CEP120: variants seen among roughly 807,000 people sequenced by gnomAD.
CEP120 encodes centrosomal protein of 120 kDa.
Under a neutral mutation model 126.5 loss-of-function variants are expected in CEP120, and 113 were observed. That is an observed-to-expected ratio of 0.89 (90% CI 0.77 to 1.04). The LOEUF is 1.04. Among genes scored for constraint, CEP120 ranks in the 50% least tolerant of loss-of-function variants. The pLI, the probability that CEP120 is intolerant of heterozygous loss-of-function variation, is 0.00. For missense variants in CEP120, 1,230 were observed against 1,155.7 expected (o/e 1.06, Z -0.93); for synonymous variants, 400 against 394.3 (o/e 1.01, Z -0.17).
chr5:123,357,838 G>A (rs1342765570), intron 18 of CEP120, among the ~76,000 whole-genome samples: 4 of 152,002 alleles, frequency 2.6e-5, no homozygotes, highest in Non-Finnish European at 5.9e-5. Context: ...CACTACTTGG[G>A]GCCAACCAAA....
At chr5:123,356,756 C>T (rs930008558) in intron 18 of CEP120, among the ~76,000 whole-genome samples, 1 of 152,008 alleles carries the variant, frequency 6.6e-6, no homozygotes, top group Non-Finnish European at 1.5e-5. Context: ...ACATTTCACT[C>T]TCTCTCTTTG....
intron 16 of CEP120, among the ~76,000 whole-genome samples, chr5:123,373,959 A>G (rs1222953024): frequency 6.6e-6 from 1 of 152,080 alleles, no homozygotes; most frequent in Non-Finnish European, 1.5e-5. Flanking sequence ...ACTCTGGTGC[A>G]TGACTCTACC....
chr5:123,411,662 G>T (rs998396637), intron 4 of CEP120, among the ~76,000 whole-genome samples: 3 of 152,160 alleles, frequency 2.0e-5, no homozygotes, highest in Non-Finnish European at 4.4e-5. Flanking sequence ...CAGTAAAAAA[G>T]ATCAATAGCT....
At chr5:123,417,386 T>C (rs771545567) in intron 2 of CEP120, among the ~76,000 whole-genome samples, 28 of 152,214 alleles carry the variant, frequency 1.8e-4, no homozygotes, top group Non-Finnish European at 3.5e-4. Flanking sequence ...AAAATATATT[T>C]TTAATCCTTA....
intron 14 of CEP120, among the ~76,000 whole-genome samples, 187 bp downstream of exon 14, chr5:123,381,924 C>T (rs1771675733): frequency 6.6e-6 from 1 of 151,928 alleles, no homozygotes; most frequent in Non-Finnish European, 1.5e-5. Flanking sequence ...TTTGCATATT[C>T]CAAAAGCACA....
chr5:123,394,801 C>A (rs1424756532), intron 5 of CEP120, among the ~76,000 whole-genome samples: 1 of 152,226 alleles, frequency 6.6e-6, no homozygotes, highest in Admixed American at 6.5e-5. Context: ...AGCACCTATG[C>A]ACTTATAATT....
At chr5:123,371,174 T>A (rs1443550146) in intron 17 of CEP120, among the ~76,000 whole-genome samples, 1 of 152,070 alleles carries the variant, frequency 6.6e-6, no homozygotes, top group Admixed American at 6.6e-5. Flanking sequence ...GAAACTTTTT[T>A]AATGTAACAT....
rs555007098 is a variant in CEP120 at position 123,406,858 on chromosome 5, A to C, written c.463+5541T>G. ...ATTCTTAATTGATCTAACAGATAAA[A>C]GGTTCTTCAATTATTATGTGTGTGT... On this transcript the variant is annotated intron_variant, in intron 4 of 19. Coordinates refer to ENST00000306467, the MANE Select transcript of CEP120 (RefSeq NM_001375405.1). Among the ~76,000 whole-genome samples the C allele has an allele frequency of 2.6e-3, 399 of 152,080 alleles. 3 individuals are homozygous for C. The highest frequency in any genetic ancestry group is 9.3e-3 in the African/African-American group (385 of 41,548).
At chr5:123,389,230 ACT>A (rs543261070) in intron 8 of CEP120, among the ~76,000 whole-genome samples, 234 of 152,222 alleles carry the variant, frequency 1.5e-3, no homozygotes, top group African/African-American at 5.4e-3. Context: ...GCATTCTTAG[ACT>A]CTCTCTTAAC....
intron 3 of CEP120, among the ~76,000 whole-genome samples, chr5:123,414,790 C>T (rs1326216144): frequency 6.6e-6 from 1 of 151,672 alleles, no homozygotes; most frequent in East Asian, 1.9e-4. Context: ...CACGGTGAAA[C>T]CCCGTCTCTA....
chr5:123,412,949 C>T (rs1168060051), intron 3 of CEP120, among the ~76,000 whole-genome samples: 1 of 152,076 alleles, frequency 6.6e-6, no homozygotes, highest in African/African-American at 2.4e-5. Flanking sequence ...TGCCATAGAC[C>T]TGCTTCGTTC....
intron 1 of CEP120, among the ~76,000 whole-genome samples, chr5:123,418,820 TG>T (rs1173562699): frequency 6.6e-6 from 1 of 152,132 alleles, no homozygotes; most frequent in Non-Finnish European, 1.5e-5. Context: ...TGACTTCAGG[TG>T]ATCTACCTGC....
intron 5 of CEP120, among the ~76,000 whole-genome samples, chr5:123,396,718 A>G (rs1289887144): frequency 6.6e-6 from 1 of 152,356 alleles, no homozygotes; most frequent in East Asian, 1.9e-4. Context: ...AAACAGAATG[A>G]GATTCCAACT....
rs1370318991 is a variant in CEP120 at position 123,346,488 on chromosome 5, TAG to T, written c.*29_*30del. The T allele has an allele frequency of 1.4e-6, 2 of 1,462,308 alleles. No homozygotes were observed. Among genetic ancestry groups the T allele is most frequent in the East Asian group, 4.6e-5 (2 of 43,726 alleles). 90.6% of individuals were successfully genotyped at this position (1,462,308 alleles called of 1,614,324 possible). On this transcript the variant is annotated 3_prime_UTR_variant, in exon 20 of 20. Transcript: ENST00000306467. ...TTACAAAGAAATTAAAATTTAGACT[TAG>T]AGTCTCTATAAAGCTTTTCCAAATG...
chr5:123,386,505 C>A lies in CEP120; in HGVS notation c.1580+13G>T. 1.3e-6 allele frequency: 2 copies of A among 1,508,426 alleles called. No homozygotes were observed. The highest frequency in any genetic ancestry group is 1.3e-5 in the South Asian group (1 of 74,158). The allele number at this position is 1,508,426 out of a possible 1,614,324, so 93.4% of individuals were successfully genotyped here. On this transcript the variant is annotated intron_variant, in intron 10 of 19. Transcript: ENST00000306467. ...TAAATTAATTAATATCATACATACA[C>A]TGTATGCATTACCTTAAGAAGGTGT...
At chr5:123,403,978 GTGGTAGCAATGTATCAA>G (rs1020536700) in intron 4 of CEP120, among the ~76,000 whole-genome samples, 1 of 152,184 alleles carries the variant, frequency 6.6e-6, no homozygotes, top group African/African-American at 2.4e-5. Flanking sequence ...ATGAAATTAG[GTGGTAGCAATGTATCAA>G]TGTTTCATTA....
chr5:123,419,157 A>ATGC (rs1774558636), intron 1 of CEP120, among the ~76,000 whole-genome samples: 1 of 152,236 alleles, frequency 6.6e-6, no homozygotes, highest in Non-Finnish European at 1.5e-5. Flanking sequence ...GGTGATGTGA[A>ATGC]TGCTGCTGTC....
chr5:123,383,334 T>C (rs933887181), intron 11 of CEP120, among the ~76,000 whole-genome samples: 2 of 152,056 alleles, frequency 1.3e-5, no homozygotes. Context: ...CTTTAAAAGG[T>C]ATAAAGGTGA....
Position 123,412,531 on chromosome 5 carries a change from AT to A in CEP120, c.330del (p.Lys110AsnfsTer6). Reference protein sequence around the residue: ...RTAQETKQAPKWYQLLSNKYT... With the variant: ...RTAQETKQAPXWYQLLSNKYT... ...TATTTATTACTCAGCAACTGGTACCATTTTGGTGCCTAGAGAATAATAAAAT... is the reference window on the plus strand; with the variant it reads ...TATTTATTACTCAGCAACTGGTACCATTTGGTGCCTAGAGAATAATAAAAT... On this transcript the variant is annotated frameshift_variant, in exon 4 of 20. Transcript: ENST00000306467. LOFTEE classifies it high-confidence loss of function. 6.3e-7 allele frequency: 1 copy of A among 1,595,880 alleles called. No homozygotes were observed. Among genetic ancestry groups the A allele is most frequent in the South Asian group, 1.2e-5 (1 of 86,558 alleles).
Sources: allele counts gnomAD v4.1 joint callset (sites outside exome capture counted in the v4.1 genomes callset), GRCh38; gene constraint gnomAD v4.1.1; transcripts MANE v1.5; gene names NCBI Gene and HGNC (gene_info 2026-07-23, HGNC 2026-07-21).